CIMAP2: variants seen among roughly 807,000 people sequenced by gnomAD.
The protein encoded by CIMAP2 is ciliary microtubule associated protein 2.
chr1:54,826,377 C>A, the CIMAP2 span, among the ~76,000 whole-genome samples: 1 of 152,322 alleles, frequency 6.6e-6, no homozygotes, highest in African/African-American at 2.4e-5. Context: ...AGGGACCTGG[C>A]CGCACTGCTG....
the CIMAP2 span, among the ~76,000 whole-genome samples, chr1:54,817,516 G>A: frequency 6.6e-6 from 1 of 152,158 alleles, no homozygotes; most frequent in Non-Finnish European, 1.5e-5. Context: ...CTGTTTCTTG[G>A]TGTTCATAAT....
At chr1:54,823,283 T>G in the CIMAP2 span, among the ~76,000 whole-genome samples, 3 of 152,196 alleles carry the variant, frequency 2.0e-5, no homozygotes, top group Non-Finnish European at 4.4e-5. Flanking sequence ...TATTGTTATA[T>G]TCTTTTGATA....
the CIMAP2 span, chr1:54,811,766 C>CGGGGGGGCGGGG: frequency 7.7e-7 from 1 of 1,305,190 alleles, no homozygotes; most frequent in Non-Finnish European, 1.1e-6. Context: ...GTTCTGACAG[C>CGGGGGGGCGGGG]CTCCATGCCC....
chr1:54,808,150 C>T, the CIMAP2 span: 1 of 883,658 alleles, frequency 1.1e-6, no homozygotes, highest in Non-Finnish European at 1.6e-6. Flanking sequence ...CATACACTGT[C>T]CTAGACCTTG....
chr1:54,825,726 G>GC, the CIMAP2 span, among the ~76,000 whole-genome samples: 4 of 152,128 alleles, frequency 2.6e-5, no homozygotes, highest in Non-Finnish European at 5.9e-5. Flanking sequence ...GGCTGAGCCA[G>GC]TAGGTCCTTG....
the CIMAP2 span, among the ~76,000 whole-genome samples, chr1:54,841,278 G>A: frequency 1.3e-5 from 2 of 152,238 alleles, no homozygotes; most frequent in Admixed American, 1.3e-4. Flanking sequence ...GCTGGCAGAT[G>A]CTGTTTGACA....
the CIMAP2 span, among the ~76,000 whole-genome samples, chr1:54,809,885 C>CA: frequency 6.7e-6 from 1 of 149,312 alleles, no homozygotes; most frequent in African/African-American, 2.5e-5. Context: ...GAAAAAAAAA[C>CA]CCCTAAAACC....
chr1:54,812,778 G>A, the CIMAP2 span, among the ~76,000 whole-genome samples: 2 of 152,208 alleles, frequency 1.3e-5, no homozygotes, highest in Non-Finnish European at 2.9e-5. Flanking sequence ...CGGTGGGTGT[G>A]ATTAAGCCAG....
chr1:54,838,344 G>A, the CIMAP2 span, among the ~76,000 whole-genome samples: 1 of 151,868 alleles, frequency 6.6e-6, no homozygotes, highest in Non-Finnish European at 1.5e-5. Flanking sequence ...TTAGCCGGGT[G>A]CGGTGGTGGG....
the CIMAP2 span, among the ~76,000 whole-genome samples, chr1:54,832,181 C>T: frequency 1.7e-4 from 26 of 152,268 alleles, no homozygotes; most frequent in African/African-American, 6.3e-4. Flanking sequence ...ATAACAGTAA[C>T]AAAATCCCAT....
At chr1:54,834,660 G>A in the CIMAP2 span, among the ~76,000 whole-genome samples, 6 of 152,190 alleles carry the variant, frequency 3.9e-5, no homozygotes, top group Admixed American at 3.3e-4. Context: ...TTAGGGATGG[G>A]ACCCAAGTCT....
At chr1:54,811,765 G>GCCGGGGGGGGGGGGGGGCGGGCCCCCCCC in the CIMAP2 span, 1 of 1,301,332 alleles carries the variant, frequency 7.7e-7, no homozygotes, top group Non-Finnish European at 1.1e-6. Flanking sequence ...GGTTCTGACA[G>GCCGGGGGGGGGGGGGGGCGGGCCCCCCCC]CCTCCATGCC....
the CIMAP2 span, chr1:54,811,708 T>TGG: frequency 2.1e-6 from 3 of 1,436,618 alleles, no homozygotes; most frequent in Non-Finnish European, 2.9e-6. Flanking sequence ...TTCTTGGGGA[T>TGG]GGCAATCTCA....
At chr1:54,809,751 A>T in the CIMAP2 span, among the ~76,000 whole-genome samples, 2 of 152,054 alleles carry the variant, frequency 1.3e-5, no homozygotes, top group Non-Finnish European at 2.9e-5. Flanking sequence ...AGCCAAGCTG[A>T]TGGCAGGGGA....
chr1:54,828,905 G>T, the CIMAP2 span, among the ~76,000 whole-genome samples: 13 of 152,252 alleles, frequency 8.5e-5, no homozygotes, highest in African/African-American at 2.9e-4. Context: ...AGAGGTTGAT[G>T]GGGCCAGAGG....
the CIMAP2 span, among the ~76,000 whole-genome samples, chr1:54,836,278 TGCCC>T: frequency 1.9e-5 from 1 of 53,986 alleles, no homozygotes; most frequent in Admixed American, 1.9e-4. Flanking sequence ...CCTGCCTACC[TGCCC>T]GCCTGCCTGC....
the CIMAP2 span, chr1:54,811,765 G>GCGGGGGGGGGGGCGCCCC: frequency 7.7e-7 from 1 of 1,301,332 alleles, no homozygotes; most frequent in Non-Finnish European, 1.1e-6. Context: ...GGTTCTGACA[G>GCGGGGGGGGGGGCGCCCC]CCTCCATGCC....
chr1:54,811,776 C>CGGGGGGG, the CIMAP2 span: 2 of 491,898 alleles, frequency 4.1e-6, no homozygotes, highest in Non-Finnish European at 7.9e-6. Flanking sequence ...CCTCCATGCC[C>CGGGGGGG]CCACCCCCGC....
the CIMAP2 span, chr1:54,841,539 A>T: frequency 6.2e-7 from 1 of 1,608,106 alleles, no homozygotes; most frequent in Non-Finnish European, 8.5e-7. Context: ...ATGATTTTAT[A>T]CCTGAAGTTC....
Sources: gnomAD v4.1 joint callset for allele counts (sites outside exome capture counted in the v4.1 genomes callset) on GRCh38, gnomAD v4.1.1 for gene constraint, MANE v1.5 for transcripts, NCBI Gene and HGNC (gene_info 2026-07-23, HGNC 2026-07-21) for gene names.